ARHGAP33: variants seen among roughly 807,000 people sequenced by gnomAD.
ARHGAP33 encodes Rho GTPase activating protein 33.
In ARHGAP33, 57 loss-of-function variants were observed where a neutral mutation model predicts 126.2. The ratio of observed to expected loss-of-function variants is 0.45; its 90% CI spans 0.36 to 0.56. ARHGAP33 has a LOEUF of 0.56. Ranked by LOEUF, ARHGAP33 falls within the 20% of genes least tolerant of loss-of-function variation. The probability of loss-of-function intolerance (pLI) is 0.00; values close to 1 mark genes in which losing one functional copy is unlikely to be tolerated. For missense variants in ARHGAP33, 1,500 were observed against 1,748.3 expected (o/e 0.86, Z 2.53); for synonymous variants, 711 against 755.0 (o/e 0.94, Z 0.95).
chr19:35,782,957 C>A lies in ARHGAP33; in HGVS notation c.1421+88C>A. The A allele has an allele frequency of 1.7e-6, 2 of 1,152,490 alleles. No homozygotes were observed. Among genetic ancestry groups the A allele is most frequent in the South Asian group, 1.4e-5 (1 of 69,468 alleles). 71.4% of individuals were successfully genotyped at this position (1,152,490 alleles called of 1,614,324 possible). On this transcript the variant is annotated intron_variant, in intron 15 of 20. Transcript: ENST00000007510. The surrounding 1 kb of genome is among the most constrained non-coding windows in gnomAD (Gnocchi z 4.1). ...CCCAGCTTTTCTTTTGTTTATTCAT[C>A]GAATACGTGTCTATCAAATACCTCC... is the stretch of plus-strand genomic sequence containing the variant.
In ARHGAP33 at chr19:35,788,770, C is replaced by T. The variant is rs1048551566; in HGVS notation, c.*341C>T. ...GACAACTCCTACCCTTCTTTCCCCA[C>T]ATGCCCCACTAAACCATCTGACAAC... On this transcript the variant is annotated 3_prime_UTR_variant, in exon 21 of 21. Coordinates refer to ENST00000007510, the MANE Select transcript of ARHGAP33 (RefSeq NM_001366178.1). The T allele has an allele frequency of 3.8e-6, 1 of 259,906 alleles. No individual in the cohort carries two copies. The highest frequency in any genetic ancestry group is 2.2e-5 in the African/African-American group (1 of 45,258). The allele number at this position is 259,906 out of a possible 1,614,324, so 16.1% of individuals were successfully genotyped here.
At chr19:35,775,723 G>GC in intron 1 of ARHGAP33, 59 bp downstream of exon 1, 1 of 1,452,296 alleles carries the variant, frequency 6.9e-7, no homozygotes, top group Non-Finnish European at 9.2e-7. Context: ...TCCGTGCGCA[G>GC]CCCCGCCCCG....
In ARHGAP33 at chr19:35,787,394, C is replaced by A. The variant is rs1158209828; in HGVS notation, c.2829C>A (p.Pro943=). 6.2e-7 allele frequency: 1 copy of A among 1,610,292 alleles called. No homozygotes were observed. Among genetic ancestry groups the A allele is most frequent in the Non-Finnish European group, 8.5e-7 (1 of 1,178,178 alleles). Residue 943 remains proline (P), a synonymous_variant, in exon 21 of 21, where the codon CCC becomes CCA. Coordinates refer to ENST00000007510, the MANE Select transcript of ARHGAP33 (RefSeq NM_001366178.1). ...TGTCTCTGGAGGTGGGCGGGGAGCC[C>A]CTGGGGACCTCAGGGAGTGGGCCAC... ...RSLSLEVGGE[P]LGTSGSGPPP...
chr19:35,780,624 C>A lies in ARHGAP33; in HGVS notation c.745C>A (p.Arg249=), dbSNP rs1399707443. The A allele has an allele frequency of 6.9e-7, 1 of 1,442,154 alleles. No homozygotes were observed. Among genetic ancestry groups the A allele is most frequent in the Non-Finnish European group, 9.3e-7 (1 of 1,074,868 alleles). 89.3% of individuals were successfully genotyped at this position (1,442,154 alleles called of 1,614,324 possible). The change falls in exon 9 of 21, where the codon CGG becomes AGG. Residue 249 remains arginine (R), a synonymous_variant. Transcript: ENST00000007510. The part of the protein sequence containing the change: ...PSECVELFTE[R]PGPGLKADAD... ...TGAGTGTGTGGAACTCTTCACAGAG[C>A]GGCCAGGTCCGGGCCTGAAGGCGGG...
rs191628594 is a variant in ARHGAP33, at chr19:35,788,447, C to T, written c.*18C>T. ...ACTGCTGAGCACCAGCTGGGAGGGG[C>T]CGTCCTTCCTTCCCTTCACCCTCAC... On this transcript the variant is annotated 3_prime_UTR_variant, in exon 21 of 21. Coordinates refer to ENST00000007510, the MANE Select transcript of ARHGAP33 (RefSeq NM_001366178.1). The T allele has an allele frequency of 2.0e-4, 294 of 1,507,414 alleles. No homozygotes were observed. The African/African-American group carries it at 3.7e-3, about 19-fold the overall frequency. 93.4% of individuals were successfully genotyped at this position (1,507,414 alleles called of 1,614,324 possible).
intron 16 of ARHGAP33, 157 bp downstream of exon 16, chr19:35,784,474 C>T: frequency 7.3e-7 from 1 of 1,363,232 alleles, no homozygotes; most frequent in Non-Finnish European, 9.4e-7. Flanking sequence ...CCTCCCCGCG[C>T]CCCCCTCCTT....
At position 35,788,544 on chromosome 19, in the gene ARHGAP33, T is replaced by A; in HGVS notation, c.*115T>A. ...CCGACCACTACCCCAGGTTTCTAAC[T>A]TTGTAACTTGCTTCTGATGTGGGTC... On this transcript the variant is annotated 3_prime_UTR_variant, in exon 21 of 21. Transcript: ENST00000007510. 2 of 973,084 alleles carry A rather than the reference T, an allele frequency of 2.1e-6. No homozygotes were observed. The highest frequency in any genetic ancestry group is 2.9e-6 in the Non-Finnish European group (2 of 688,808). 60.3% of individuals were successfully genotyped at this position (973,084 alleles called of 1,614,324 possible). A position where few individuals can be genotyped will look rare whatever the true frequency, so the allele number is the denominator to read the frequency against.
Position 35,788,131 on chromosome 19 carries a change from C to T in ARHGAP33, c.3566C>T (p.Pro1189Leu). The T allele has an allele frequency of 6.2e-7, 1 of 1,611,474 alleles. No homozygotes were observed. The highest frequency in any genetic ancestry group is 8.5e-7 in the Non-Finnish European group (1 of 1,178,950). Residue 1189 changes from proline (P) to leucine (L), a missense_variant, in exon 21 of 21, where the codon CCT becomes CTT. By Grantham distance (98) the Pro-to-Leu change is moderately conservative (BLOSUM62 -3). Around this residue, in one of 6 missense-constraint regions of ARHGAP33, gnomAD observed 642 missense variants for 634.0 expected, o/e 1.01. Transcript: ENST00000007510. ...PSPASSSSSS[P>L]PAHPRSRSDP... ...CCTGCCTCTTCCTCCTCCTCTTCCC[C>T]TCCTGCCCACCCCCGAAGCCGTTCA...
rs182607688 is a variant in ARHGAP33, at chr19:35,782,964, G to T, written c.1421+95G>T. 1 of 1,106,296 alleles carries T rather than the reference G, an allele frequency of 9.0e-7. No homozygotes were observed. Among genetic ancestry groups the T allele is most frequent in the Non-Finnish European group, 1.3e-6 (1 of 765,064 alleles). The allele number at this position is 1,106,296 out of a possible 1,614,324, so 68.5% of individuals were successfully genotyped here. On this transcript the variant is annotated intron_variant, in intron 15 of 20. Coordinates refer to ENST00000007510, the MANE Select transcript of ARHGAP33 (RefSeq NM_001366178.1). The surrounding 1 kb of genome is among the most constrained non-coding windows in gnomAD (Gnocchi z 4.1). ...TTTCTTTTGTTTATTCATCGAATAC[G>T]TGTCTATCAAATACCTCCCATGGAC...
In ARHGAP33 at chr19:35,780,212, T is replaced by G. The variant is rs1971682470; in HGVS notation, c.503T>G (p.Leu168Arg). ...NCGPVLTWME[L>R]DNHGRRLLLS... is the part of the protein sequence containing the mutation. ...TGCCACATTCCACCTCTATTTCAGCTGGACAATCACGGCCGGCGACTGCTC... is the reference window on the plus strand; with the variant it reads ...TGCCACATTCCACCTCTATTTCAGCGGGACAATCACGGCCGGCGACTGCTC... The change falls in exon 7 of 21, where the codon CTG becomes CGG. Residue 168 changes from leucine (L) to arginine (R), a missense_variant and splice_region_variant. This residue lies in a region of ARHGAP33 where 75 missense variants were observed against 152.7 expected (regional missense o/e 0.49). Transcript: ENST00000007510. 6.2e-7 allele frequency: 1 copy of G among 1,613,646 alleles called. No homozygotes were observed. The highest frequency in any genetic ancestry group is 1.7e-5 in the Admixed American group (1 of 59,972).
rs1006889059 is a variant in ARHGAP33 at position 35,787,652 on chromosome 19, C to A, written c.3087C>A (p.Thr1029=). 2 of 1,593,482 alleles carry A rather than the reference C, an allele frequency of 1.3e-6. No individual in the cohort carries two copies. Among genetic ancestry groups the A allele is most frequent in the African/African-American group, 1.4e-5 (1 of 73,502 alleles). ...GTTCTGTCCCCTCACAGGTTCCTAC[C>A]CCCGGCTTCTTCTCCCCAGCCCCCA... The part of the protein sequence containing the change: ...SPCSVPSQVP[T]PGFFSPAPRE... Residue 1029 remains threonine (T), a synonymous_variant, in exon 21 of 21, where the codon ACC becomes ACA. Coordinates refer to ENST00000007510, the MANE Select transcript of ARHGAP33 (RefSeq NM_001366178.1).
chr19:35,777,485 C>T, intron 1 of ARHGAP33, 160 bp from the exon 2 acceptor site: 2 of 651,222 alleles, frequency 3.1e-6, no homozygotes, highest in Admixed American at 4.6e-5. Context: ...GCAGTCCTGT[C>T]CTCAGCCCAG....
intron 15 of ARHGAP33, among the ~76,000 whole-genome samples, chr19:35,783,135 A>G (rs1216173190): frequency 6.6e-6 from 1 of 152,106 alleles, no homozygotes; most frequent in African/African-American, 2.4e-5. Flanking sequence ...TGAGGAGGAG[A>G]GAGGAGGAGG....
Position 35,785,494 on chromosome 19 carries a change from C to T in ARHGAP33, c.1942+11C>T, listed in dbSNP as rs1484190457. ...AGGCCAGCGGGGCTGGTGAGCAAGGCGGGCAATTGGGGGGCGCTACCTGTG... is the reference window on the plus strand; with the variant it reads ...AGGCCAGCGGGGCTGGTGAGCAAGGTGGGCAATTGGGGGGCGCTACCTGTG... On this transcript the variant is annotated intron_variant, in intron 19 of 20. Coordinates refer to ENST00000007510, the MANE Select transcript of ARHGAP33 (RefSeq NM_001366178.1). 5.0e-6 allele frequency: 8 copies of T among 1,613,988 alleles called. No individual in the cohort carries two copies. The highest frequency in any genetic ancestry group is 1.3e-5 in the African/African-American group (1 of 74,940).
Position 35,782,383 on chromosome 19 carries a change from G to T in ARHGAP33, c.1096G>T (p.Asp366Tyr), listed in dbSNP as rs1483183968. 6.2e-7 allele frequency: 1 copy of T among 1,604,514 alleles called. No homozygotes were observed. The highest frequency in any genetic ancestry group is 1.7e-5 in the Admixed American group (1 of 59,850). Residue 366 changes from aspartate (D) to tyrosine (Y), a missense_variant, in exon 13 of 21, where the codon GAC becomes TAC. This residue lies in a region of ARHGAP33 where 281 missense variants were observed against 413.7 expected (regional missense o/e 0.68). Coordinates refer to ENST00000007510, the MANE Select transcript of ARHGAP33 (RefSeq NM_001366178.1). This position sits in a 1 kb window ranked among gnomAD's most constrained non-coding sequence, Gnocchi z 4.1. Reference sequence around the variant, plus strand: ...ACACGGTGGTCTCAGGCACGAGTTTGACAGTGAGAGGATCCCGGAGCTGTC... The same window carrying T: ...ACACGGTGGTCTCAGGCACGAGTTTTACAGTGAGAGGATCCCGGAGCTGTC... Reference protein sequence around the residue: ...SNIQRLRHEFDSERIPELSGP... With the variant: ...SNIQRLRHEFYSERIPELSGP...
intron 16 of ARHGAP33, 58 bp downstream of exon 16, chr19:35,784,375 G>GGGGA (rs1355256531): frequency 1.4e-6 from 2 of 1,479,108 alleles, no homozygotes; most frequent in Non-Finnish European, 1.8e-6. Context: ...AGGGCTGCAG[G>GGGGA]GGGAGGGCAG....
chr19:35,775,770 T>G, intron 1 of ARHGAP33, 106 bp downstream of exon 1: 1 of 1,201,042 alleles, frequency 8.3e-7, no homozygotes, highest in Non-Finnish European at 1.1e-6. Context: ...TCCCGCGGCC[T>G]GTGCTTCAGC....
At chr19:35,784,385 G>C (rs1416987934) in intron 16 of ARHGAP33, 68 bp downstream of exon 16, 2 of 1,471,400 alleles carry the variant, frequency 1.4e-6, no homozygotes, top group African/African-American at 1.5e-5. Flanking sequence ...GGGGAGGGCA[G>C]GTGGGCTCCC....
intron 15 of ARHGAP33, among the ~76,000 whole-genome samples, chr19:35,783,662 C>T (rs975345579): frequency 2.6e-5 from 4 of 151,870 alleles, no homozygotes; most frequent in African/African-American, 4.8e-5. Flanking sequence ...AGAGAGGTGA[C>T]GGGGACCAGA....
Sources: gnomAD v4.1 joint callset for allele counts (sites outside exome capture counted in the v4.1 genomes callset) on GRCh38, gnomAD v4.1.1 for gene constraint, gnomAD v4.1.1 regional missense constraint, Gnocchi (gnomAD v3.1) non-coding constraint, MANE v1.5 for transcripts, NCBI Gene and HGNC (gene_info 2026-07-23, HGNC 2026-07-21) for gene names.